Variants in PROB1 observed in about 807,000 individuals in gnomAD.
The protein encoded by PROB1 is proline rich basic protein 1.
For synonymous variants in PROB1, 660 were observed against 699.3 expected, an observed-to-expected ratio of 0.94 and a Z score of 0.89; for missense variants, 1,453 against 1,485.7, an observed-to-expected ratio of 0.98 and a Z score of 0.36.
Position 139,392,114 on chromosome 5 carries a change from C to A in PROB1, c.2968G>T (p.Ala990Ser). Residue 990 changes from alanine to serine, a missense_variant, in exon 1 of 1, where the codon GCA (alanine) becomes TCA (serine). Physicochemically the swap from Ala to Ser is moderately conservative, Grantham distance 99. Coordinates refer to ENST00000434752, the MANE Select transcript of PROB1 (RefSeq NM_001161546.2). The surrounding 1 kb of genome is among the most constrained non-coding windows in gnomAD (Gnocchi z 5.8). ...YLPVSGTPNPAPPLLLCAPPS... is the reference protein window; with the variant it reads ...YLPVSGTPNPSPPLLLCAPPS... ...GGCGCACAGAGGAGCAGAGGAGGTG[C>A]GGGGTTGGGGGTCCCGCTCACCGGC... is the stretch of plus-strand genomic sequence containing the variant. The A allele has an allele frequency of 7.1e-7, 1 of 1,415,764 alleles. No homozygotes were observed. The highest frequency in any genetic ancestry group is 1.5e-5 in the African/African-American group (1 of 66,866). The allele number at this position is 1,415,764 out of a possible 1,614,324, so 87.7% of individuals were successfully genotyped here. A position where few individuals can be genotyped will look rare whatever the true frequency, so the allele number is the denominator to read the frequency against.
At position 139,391,436 on chromosome 5, in the gene PROB1, T is replaced by C. The variant is rs2152076327; in HGVS notation, c.*598A>G. ...TTGCCTCCACCTGCTGTCCCCCGCC[T>C]TAGCTCTTTCTCGGAGCCAGCCTGG... On this transcript the variant is annotated 3_prime_UTR_variant, in exon 1 of 1. Coordinates refer to ENST00000434752, the MANE Select transcript of PROB1 (RefSeq NM_001161546.2). This position sits in a 1 kb window ranked among gnomAD's most constrained non-coding sequence, Gnocchi z 4.8. 1 of 152,682 alleles carries C rather than the reference T, an allele frequency of 6.5e-6. No individual in the cohort carries two copies. The highest frequency in any genetic ancestry group is 1.5e-5 in the Non-Finnish European group (1 of 68,342). 9.5% of individuals were successfully genotyped at this position (152,682 alleles called of 1,614,324 possible).
chr5:139,394,122 C>G lies in PROB1; in HGVS notation c.960G>C (p.Glu320Asp), dbSNP rs1483478865. Residue 320 changes from glutamate to aspartate, a missense_variant, in exon 1 of 1, where the codon GAG (glutamate) becomes GAC (aspartate). By Grantham distance (45) the Glu-to-Asp change is conservative. Transcript: ENST00000434752. ...KAPRPWPSLRERAIRRDKPAP... is the reference protein window; with the variant it reads ...KAPRPWPSLRDRAIRRDKPAP... The stretch of plus-strand genomic sequence containing the variant: ...CAGGCTTGTCGCGCCGAATCGCGCG[C>G]TCGCGGAGGCTGGGCCACGGCCTCG... 6.5e-7 allele frequency: 1 copy of G among 1,547,748 alleles called. No individual in the cohort carries two copies. Among genetic ancestry groups the G allele is most frequent in the East Asian group, 2.5e-5 (1 of 40,810 alleles).
In PROB1 at chr5:139,392,372, C is replaced by G; in HGVS notation, c.2710G>C (p.Val904Leu). 6.6e-7 allele frequency: 1 copy of G among 1,524,560 alleles called. No individual in the cohort carries two copies. Among genetic ancestry groups the G allele is most frequent in the South Asian group, 1.2e-5 (1 of 81,930 alleles). 94.4% of individuals were successfully genotyped at this position (1,524,560 alleles called of 1,614,324 possible). A position where few individuals can be genotyped will look rare whatever the true frequency, so the allele number is the denominator to read the frequency against. ...VEAPRQPRLR[V>L]LFDPESGQYV... ...TGCCCACTCTCAGGGTCGAAGAGCA[C>G]CCGCAGCCGAGGCTGCCGCGGCGCC... The change falls in exon 1 of 1, where the codon GTG becomes CTG. Residue 904 changes from valine to leucine, a missense_variant. By Grantham distance (32) the Val-to-Leu change is conservative (BLOSUM62 1). Transcript: ENST00000434752. The surrounding 1 kb of genome is among the most constrained non-coding windows in gnomAD (Gnocchi z 5.8).
Position 139,392,744 on chromosome 5 carries a change from C to G in PROB1, c.2338G>C (p.Gly780Arg), listed in dbSNP as rs931689220. The G allele has an allele frequency of 7.0e-7, 1 of 1,420,382 alleles. No individual in the cohort carries two copies. The highest frequency in any genetic ancestry group is 9.2e-7 in the Non-Finnish European group (1 of 1,086,442). 88.0% of individuals were successfully genotyped at this position (1,420,382 alleles called of 1,614,324 possible). The change falls in exon 1 of 1, where the codon GGC becomes CGC. Residue 780 changes from glycine to arginine, a missense_variant. Coordinates refer to ENST00000434752, the MANE Select transcript of PROB1 (RefSeq NM_001161546.2). This position sits in a 1 kb window ranked among gnomAD's most constrained non-coding sequence, Gnocchi z 5.8. ...CGCTGGGATGAGCTGCGGGCGCCGCCTAGAGGGCTGGTCCGACCGTCGCCG... is the reference window on the plus strand; with the variant it reads ...CGCTGGGATGAGCTGCGGGCGCCGCGTAGAGGGCTGGTCCGACCGTCGCCG... ...PDGDGRTSPL[G>R]GARSSSQRSP...
At position 139,392,054 on chromosome 5, in the gene PROB1, C is replaced by A. The variant is rs1448630662; in HGVS notation, c.3028G>T (p.Gly1010Cys). The A allele has an allele frequency of 7.1e-6, 10 of 1,404,786 alleles. No homozygotes were observed. Among genetic ancestry groups the A allele is most frequent in the East Asian group, 2.9e-5 (1 of 34,032 alleles). The allele number at this position is 1,404,786 out of a possible 1,614,324, so 87.0% of individuals were successfully genotyped here. A position where few individuals can be genotyped will look rare whatever the true frequency, so the allele number is the denominator to read the frequency against. The change falls in exon 1 of 1, where the codon GGT becomes TGT. Residue 1010 changes from glycine (G) to cysteine (C), a missense_variant. Transcript: ENST00000434752. This position sits in a 1 kb window ranked among gnomAD's most constrained non-coding sequence, Gnocchi z 5.8. ...GGGCCTCACAGCGGGAACAATGAACCCTTGCCGGGCTGGGTGGGACCTGAG... is the reference window on the plus strand; with the variant it reads ...GGGCCTCACAGCGGGAACAATGAACACTTGCCGGGCTGGGTGGGACCTGAG... Reference protein sequence around the residue: ...SSSGPTQPGKGSLFPL With the variant: ...SSSGPTQPGKCSLFPL
Position 139,393,259 on chromosome 5 carries a change from C to T in PROB1, c.1823G>A (p.Gly608Asp). ...GCGTCCCGAGGCCGCCTCTCCAGGA[C>T]CCAAGACTTCCGGGCACTTATCCGC... ...LDADKCPEVL[G>D]PGEAASGRPR... Residue 608 changes from glycine (G) to aspartate (D), a missense_variant, in exon 1 of 1, where the codon GGT becomes GAT. Gly to Asp is a moderately conservative substitution (Grantham distance 94, BLOSUM62 -1). Coordinates refer to ENST00000434752, the MANE Select transcript of PROB1 (RefSeq NM_001161546.2). The T allele has an allele frequency of 6.5e-7, 1 of 1,549,566 alleles. No individual in the cohort carries two copies. Among genetic ancestry groups the T allele is most frequent in the Non-Finnish European group, 8.7e-7 (1 of 1,146,978 alleles).
In PROB1 at chr5:139,392,479, TG is replaced by T; in HGVS notation, c.2602del (p.Gln868ArgfsTer116). The T allele has an allele frequency of 2.9e-6, 4 of 1,367,854 alleles. No individual in the cohort carries two copies. The highest frequency in any genetic ancestry group is 3.8e-6 in the Non-Finnish European group (4 of 1,064,568). The allele number at this position is 1,367,854 out of a possible 1,614,324, so 84.7% of individuals were successfully genotyped here. On this transcript the variant is annotated frameshift_variant, in exon 1 of 1. Coordinates refer to ENST00000434752, the MANE Select transcript of PROB1 (RefSeq NM_001161546.2). LOFTEE classifies it low-confidence loss of function (END_TRUNC). This position sits in a 1 kb window ranked among gnomAD's most constrained non-coding sequence, Gnocchi z 5.8. ...GGCCCCGGGCTGCCTGCGCGCTCCC[TG>T]GGAGGGGCTTTGCGGGGACCGGTCC... ...PTDRSPQSPS[Q>X]GARRQPGAAP... is the part of the protein sequence containing the mutation.
Position 139,393,756 on chromosome 5 carries a change from A to G in PROB1, c.1326T>C (p.Pro442=), listed in dbSNP as rs1266651786. ...TCCTGCTGACAGTTTCCTCGACGGC[A>G]GGATTTTGATTTTCCCACTCGGAGG... ...EASSEWENQN[P]AVEETVSRRS... The change falls in exon 1 of 1, where the codon CCT becomes CCC. Residue 442 remains proline, a synonymous_variant. Transcript: ENST00000434752. The G allele has an allele frequency of 6.4e-7, 1 of 1,551,420 alleles. No homozygotes were observed. Among genetic ancestry groups the G allele is most frequent in the Admixed American group, 2.0e-5 (1 of 51,006 alleles).
Position 139,393,802 on chromosome 5 carries a change from C to G in PROB1, c.1280G>C (p.Ser427Thr). ...PWDRTTRRVS[S>T]PLFPEASSEW... ...GGAGGAGGCTTCAGGGAACAATGGG[C>G]TACTCACCCTCCGAGTAGTCCGATC... Residue 427 changes from serine (S) to threonine (T), a missense_variant, in exon 1 of 1, where the codon AGC becomes ACC. Coordinates refer to ENST00000434752, the MANE Select transcript of PROB1 (RefSeq NM_001161546.2). 2 of 1,551,392 alleles carry G rather than the reference C, an allele frequency of 1.3e-6. No individual in the cohort carries two copies. Among genetic ancestry groups the G allele is most frequent in the East Asian group, 2.4e-5 (1 of 40,908 alleles).
rs1758590643 is a variant in PROB1, at chr5:139,390,600, G to GCTCCATGGTGTGATCATCA, written c.*1433_*1434insTGATGATCACACCATGGAG. 6.6e-6 allele frequency: 1 copy of GCTCCATGGTGTGATCATCA among 152,280 alleles called. No individual in the cohort carries two copies. Among genetic ancestry groups the GCTCCATGGTGTGATCATCA allele is most frequent in the Non-Finnish European group, 1.5e-5 (1 of 68,086 alleles). The allele number at this position is 152,280 out of a possible 1,614,324, so 9.4% of individuals were successfully genotyped here. ...CAGGCACCTCACACCAGTTATTTCA[G>GCTCCATGGTGTGATCATCA]CCATGATGGCTCCATGGTCAGTGAT... On this transcript the variant is annotated 3_prime_UTR_variant, in exon 1 of 1. Coordinates refer to ENST00000434752, the MANE Select transcript of PROB1 (RefSeq NM_001161546.2).
Position 139,392,368 on chromosome 5 carries a change from A to G in PROB1, c.2714T>C (p.Leu905Pro). 4 of 1,525,426 alleles carry G rather than the reference A, an allele frequency of 2.6e-6. No individual in the cohort carries two copies. The highest frequency in any genetic ancestry group is 3.5e-6 in the Non-Finnish European group (4 of 1,137,812). 94.5% of individuals were successfully genotyped at this position (1,525,426 alleles called of 1,614,324 possible). Residue 905 changes from leucine (L) to proline (P), a missense_variant, in exon 1 of 1, where the codon CTC becomes CCC. Coordinates refer to ENST00000434752, the MANE Select transcript of PROB1 (RefSeq NM_001161546.2). The surrounding 1 kb of genome is among the most constrained non-coding windows in gnomAD (Gnocchi z 5.8). Reference protein sequence around the residue: ...EAPRQPRLRVLFDPESGQYVE... With the variant: ...EAPRQPRLRVPFDPESGQYVE... ...GTACTGCCCACTCTCAGGGTCGAAGAGCACCCGCAGCCGAGGCTGCCGCGG... is the reference window on the plus strand; with the variant it reads ...GTACTGCCCACTCTCAGGGTCGAAGGGCACCCGCAGCCGAGGCTGCCGCGG...
At position 139,394,633 on chromosome 5, in the gene PROB1, G is replaced by C; in HGVS notation, c.449C>G (p.Ser150Cys). 1 of 1,534,394 alleles carries C rather than the reference G, an allele frequency of 6.5e-7. No individual in the cohort carries two copies. The change falls in exon 1 of 1, where the codon TCT (serine) becomes TGT (cysteine). Residue 150 changes from serine (S) to cysteine (C), a missense_variant. Transcript: ENST00000434752. ...GGACTGGCGTGGGACCGCGGCGGGA[G>C]ACGCTGGCCCCGGCGGCAAGGGGCT... Reference protein sequence around the residue: ...FISPLPPGPASPAAVPRQSQV... With the variant: ...FISPLPPGPACPAAVPRQSQV...
chr5:139,394,759 G>C lies in PROB1; in HGVS notation c.323C>G (p.Ser108Trp). 6.5e-7 allele frequency: 1 copy of C among 1,533,124 alleles called. No homozygotes were observed. The highest frequency in any genetic ancestry group is 8.8e-7 in the Non-Finnish European group (1 of 1,142,242). The allele number at this position is 1,533,124 out of a possible 1,614,324, so 95.0% of individuals were successfully genotyped here. The change falls in exon 1 of 1, where the codon TCG (serine) becomes TGG (tryptophan). Residue 108 changes from serine (S) to tryptophan (W), a missense_variant. Transcript: ENST00000434752. ...PPQPQLRTLP[S>W]GEMEVIFGVG... The stretch of plus-strand genomic sequence containing the variant: ...GCCGAAGATGACTTCCATCTCCCCC[G>C]ACGGCAGCGTGCGCAGCTGGGGCTG...
rs974643046 is a variant in PROB1 at position 139,391,472 on chromosome 5, A to G, written c.*562T>C. 2.0e-5 allele frequency: 3 copies of G among 152,550 alleles called. No individual in the cohort carries two copies. Among genetic ancestry groups the G allele is most frequent in the African/African-American group, 7.2e-5 (3 of 41,528 alleles). The allele number at this position is 152,550 out of a possible 1,614,324, so 9.4% of individuals were successfully genotyped here. On this transcript the variant is annotated 3_prime_UTR_variant, in exon 1 of 1. Coordinates refer to ENST00000434752, the MANE Select transcript of PROB1 (RefSeq NM_001161546.2). The surrounding 1 kb of genome is among the most constrained non-coding windows in gnomAD (Gnocchi z 4.8). ...TCGGAGCCAGCCTGGCCTGGGCTGT[A>G]CTGGCCACTTTCCCCCCAGTAACCT...
Position 139,392,500 on chromosome 5 carries a change from CG to C in PROB1, c.2581del (p.Arg861GlyfsTer123). ...PRAASAPPTD[R>X]SPQSPSQGAR... Reference sequence around the variant, plus strand: ...TCCCTGGGAGGGGCTTTGCGGGGACCGGTCCGTGGGAGGCGCCGAGGCAGCG... The same window carrying C: ...TCCCTGGGAGGGGCTTTGCGGGGACCGTCCGTGGGAGGCGCCGAGGCAGCG... On this transcript the variant is annotated frameshift_variant, in exon 1 of 1. Coordinates refer to ENST00000434752, the MANE Select transcript of PROB1 (RefSeq NM_001161546.2). LOFTEE classifies it low-confidence loss of function (END_TRUNC). The surrounding 1 kb of genome is among the most constrained non-coding windows in gnomAD (Gnocchi z 5.8). 1 of 1,354,888 alleles carries C rather than the reference CG, an allele frequency of 7.4e-7. No homozygotes were observed. Among genetic ancestry groups the C allele is most frequent in the Non-Finnish European group, 9.5e-7 (1 of 1,058,148 alleles). 83.9% of individuals were successfully genotyped at this position (1,354,888 alleles called of 1,614,324 possible). A position where few individuals can be genotyped will look rare whatever the true frequency, so the allele number is the denominator to read the frequency against.
At position 139,394,237 on chromosome 5, in the gene PROB1, C is replaced by T. The variant is rs535077464; in HGVS notation, c.845G>A (p.Arg282Gln). ...CACGTGGGTGCTGCGGGCCGTTTCC[C>T]GGGTCTCAGGTTCCGACCGCCCCGT... ...GSTGRSEPETRETARSTHVVL... is the reference protein window; with the variant it reads ...GSTGRSEPETQETARSTHVVL... Residue 282 changes from arginine to glutamine, a missense_variant, in exon 1 of 1, where the codon CGG becomes CAG. By Grantham distance (43) the Arg-to-Gln change is conservative (BLOSUM62 1). Transcript: ENST00000434752. 13 of 1,548,562 alleles carry T rather than the reference C, an allele frequency of 8.4e-6. No individual in the cohort carries two copies. In the South Asian group the frequency reaches 1.4e-4, roughly 17 times the overall value.
chr5:139,394,021 C>G lies in PROB1; in HGVS notation c.1061G>C (p.Arg354Pro), dbSNP rs1561989561. ...CGCCTCTCGCGGGAACCGAGTCTTC[C>G]GCGCCTCCTGGATCTTCTCCTCTGA... ...LQSEEKIQEA[R>P]KTRFPREAPD... The change falls in exon 1 of 1, where the codon CGG (arginine) becomes CCG (proline). Residue 354 changes from arginine to proline, a missense_variant. Arg to Pro is a moderately radical substitution (Grantham distance 103). Coordinates refer to ENST00000434752, the MANE Select transcript of PROB1 (RefSeq NM_001161546.2). The G allele has an allele frequency of 5.2e-6, 8 of 1,550,592 alleles. No individual in the cohort carries two copies. Among genetic ancestry groups the G allele is most frequent in the Non-Finnish European group, 7.0e-6 (8 of 1,147,010 alleles).
At position 139,392,068 on chromosome 5, in the gene PROB1, G is replaced by A. The variant is rs1331141291; in HGVS notation, c.3014C>T (p.Thr1005Ile). The part of the protein sequence containing the change: ...LCAPPSSSGP[T>I]QPGKGSLFPL ...GAACAATGAACCCTTGCCGGGCTGG[G>A]TGGGACCTGAGCTGGAGGGCGGCGC... is the stretch of plus-strand genomic sequence containing the variant. Residue 1005 changes from threonine to isoleucine, a missense_variant, in exon 1 of 1, where the codon ACC (threonine) becomes ATC (isoleucine). Physicochemically the swap from Thr to Ile is moderately conservative, Grantham distance 89. Transcript: ENST00000434752. This position sits in a 1 kb window ranked among gnomAD's most constrained non-coding sequence, Gnocchi z 5.8. 2 of 1,408,022 alleles carry A rather than the reference G, an allele frequency of 1.4e-6. No homozygotes were observed. The highest frequency in any genetic ancestry group is 5.9e-5 in the East Asian group (2 of 34,014). The allele number at this position is 1,408,022 out of a possible 1,614,324, so 87.2% of individuals were successfully genotyped here.
In PROB1 at chr5:139,392,901, G is replaced by A; in HGVS notation, c.2181C>T (p.Pro727=). ...RRRAENSTAK[P]FKRTEIRLPG... The stretch of plus-strand genomic sequence containing the variant: ...GCAGGCGGATCTCTGTGCGCTTGAA[G>A]GGCTTCGCCGTGCTGTTCTCTGCCC... Residue 727 remains proline, a synonymous_variant, in exon 1 of 1, where the codon CCC becomes CCT. Coordinates refer to ENST00000434752, the MANE Select transcript of PROB1 (RefSeq NM_001161546.2). The surrounding 1 kb of genome is among the most constrained non-coding windows in gnomAD (Gnocchi z 5.8). The A allele has an allele frequency of 6.5e-7, 1 of 1,541,958 alleles. No homozygotes were observed. Among genetic ancestry groups the A allele is most frequent in the Non-Finnish European group, 8.8e-7 (1 of 1,142,016 alleles).
Sources: allele counts gnomAD v4.1 joint callset, GRCh38; gene constraint gnomAD v4.1.1; non-coding constraint Gnocchi (gnomAD v3.1); transcripts MANE v1.5; gene names NCBI Gene and HGNC (gene_info 2026-07-23, HGNC 2026-07-21).